The following SMAGP variants were observed in gnomAD, a reference collection of about 807,000 sequenced individuals.
The protein encoded by SMAGP is small cell adhesion glycoprotein, also known as small cell transmembrane and glycosylated protein.
A neutral mutation model predicts 10.1 loss-of-function variants in SMAGP; 7 were observed. The ratio of observed to expected loss-of-function variants is 0.70; its 90% CI spans 0.40 to 1.31. The LOEUF (loss-of-function observed/expected upper bound fraction) is 1.31, where lower values mean the gene tolerates loss of function less well. Among genes scored for constraint, SMAGP ranks in the 50% most tolerant of loss-of-function variants. The pLI is 0.01. For missense variants in SMAGP, 113 were observed against 116.5 expected, an observed-to-expected ratio of 0.97 and a Z score of 0.14; for synonymous variants, 49 against 47.2, an observed-to-expected ratio of 1.04 and a Z score of -0.16.
chr12:51,270,033 C>T (rs543554531), intron 1 of SMAGP: 1 of 151,778 alleles, frequency 6.6e-6, no homozygotes. Flanking sequence ...CCCGTCCCCG[C>T]CCCCGCCCCG....
intron 3 of SMAGP, 97 bp from the exon 4 acceptor site, chr12:51,246,216 T>G: frequency 6.6e-7 from 1 of 1,516,168 alleles, no homozygotes; most frequent in East Asian, 2.3e-5. Flanking sequence ...TTCGTAAAGA[T>G]CCTCTTGTTT....
chr12:51,246,073 C>T lies in SMAGP; in HGVS notation c.162G>A (p.Leu54=). 6.2e-7 allele frequency: 1 copy of T among 1,613,868 alleles called. No homozygotes were observed. Among genetic ancestry groups the T allele is most frequent in the Non-Finnish European group, 8.5e-7 (1 of 1,179,868 alleles). The change falls in exon 4 of 4, where the codon TTG becomes TTA. Residue 54 remains leucine, a synonymous_variant. Transcript: ENST00000603798. ...TGTTCTTGTACAGGTAAAAGAAGAT[C>T]AAGATCACGACCGAGAGCAGGGTGA... ...VFLTLLSVVI[L]IFFYLYKNKG... is the part of the protein sequence containing the mutation.
At chr12:51,255,595 C>T (rs905781604) in intron 2 of SMAGP, among the ~76,000 whole-genome samples, 7 of 152,238 alleles carry the variant, frequency 4.6e-5, no homozygotes, top group African/African-American at 1.7e-4. Flanking sequence ...ACCATTTTGG[C>T]CCTTCTAGTC....
chr12:51,260,694 T>C (rs1159870863), intron 2 of SMAGP, among the ~76,000 whole-genome samples: 1 of 132,628 alleles, frequency 7.5e-6, no homozygotes, highest in Non-Finnish European at 1.6e-5. Context: ...TTTTTTTTTT[T>C]TTTTTTTTTG....
chr12:51,260,905 C>A (rs1250605053), intron 2 of SMAGP, among the ~76,000 whole-genome samples: 1 of 151,306 alleles, frequency 6.6e-6, no homozygotes, highest in Non-Finnish European at 1.5e-5. Flanking sequence ...CCAGGATGGT[C>A]TCGATCTCCT....
At position 51,269,330 on chromosome 12, in the gene SMAGP, G is replaced by A. The variant is rs1202660803; in HGVS notation, c.-38-14C>T. On this transcript the variant is annotated splice_polypyrimidine_tract_variant and intron_variant, in intron 1 of 3. Transcript: ENST00000603798. Reference sequence around the variant, plus strand: ...GAAGAGGCAGATCTGTAGGAAGAGGGGCAAAGACAGGAATGTAGCGGGTGG... The same window carrying A: ...GAAGAGGCAGATCTGTAGGAAGAGGAGCAAAGACAGGAATGTAGCGGGTGG... 30 of 1,607,306 alleles carry A rather than the reference G, an allele frequency of 1.9e-5. No individual in the cohort carries two copies. In the East Asian group the frequency reaches 3.6e-4, roughly 19 times the overall value.
chr12:51,266,662 A>C (rs1418118311), intron 2 of SMAGP, among the ~76,000 whole-genome samples: 1 of 152,192 alleles, frequency 6.6e-6, no homozygotes, highest in Non-Finnish European at 1.5e-5. Context: ...TATGTACAGG[A>C]AAAAACACAG....
intron 2 of SMAGP, among the ~76,000 whole-genome samples, chr12:51,264,291 T>C (rs115680024): frequency 0.013 from 1,995 of 152,316 alleles, 45 homozygotes; most frequent in African/African-American, 0.045. Context: ...TTGGACCCAG[T>C]GGATAGGAGA....
At chr12:51,257,502 GGC>G (rs1378922296) in intron 2 of SMAGP, among the ~76,000 whole-genome samples, 2 of 151,904 alleles carry the variant, frequency 1.3e-5, no homozygotes, top group African/African-American at 4.8e-5. Context: ...TTGGGGCCAG[GGC>G]CAGGAGTTCA....
chr12:51,253,909 CAAAA>C (rs886863784), intron 2 of SMAGP, among the ~76,000 whole-genome samples: 2 of 149,564 alleles, frequency 1.3e-5, no homozygotes, highest in Non-Finnish European at 3.0e-5. Context: ...CTGTCTCAAA[CAAAA>C]AAAAAGAGGA....
intron 2 of SMAGP, among the ~76,000 whole-genome samples, chr12:51,251,762 CTTTAT>C (rs753713530): frequency 4.6e-5 from 7 of 152,030 alleles, no homozygotes; most frequent in Non-Finnish European, 1.0e-4. Flanking sequence ...TATGTGACTT[CTTTAT>C]TTTTAGTTTA....
chr12:51,250,498 GTGTTTTTTTTT>G (rs1258077520), intron 2 of SMAGP, among the ~76,000 whole-genome samples: 30 of 90,510 alleles, frequency 3.3e-4, no homozygotes, highest in Admixed American at 1.4e-3. Flanking sequence ...TGTTGTTGTT[GTGTTTTTTTTT>G]TGTTTTTTTT....
intron 1 of SMAGP, 54 bp from the exon 2 acceptor site, chr12:51,269,370 G>C (rs1945005959): frequency 6.9e-7 from 1 of 1,456,134 alleles, no homozygotes; most frequent in Non-Finnish European, 9.6e-7. Context: ...CTATGGCTTT[G>C]AGTCCTGGAA....
At chr12:51,246,400 G>A (rs1944770205) in intron 3 of SMAGP, 2 of 475,696 alleles carry the variant, frequency 4.2e-6, no homozygotes, top group Non-Finnish European at 7.4e-6. Context: ...AAACGGGAAG[G>A]AGGGAACAGG....
chr12:51,268,653 G>A lies in SMAGP; in HGVS notation c.34+592C>T, dbSNP rs147563097. Among the ~76,000 whole-genome samples, 436 of 147,632 alleles carry A rather than the reference G, an allele frequency of 3.0e-3. 2 individuals carry two copies. Among genetic ancestry groups the A allele is most frequent in the African/African-American group, 0.01 (413 of 40,640 alleles). On this transcript the variant is annotated intron_variant, in intron 2 of 3. Coordinates refer to ENST00000603798, the MANE Select transcript of SMAGP (RefSeq NM_001031628.2). The stretch of plus-strand genomic sequence containing the variant: ...TGCCCAGGCTGGAGTGCAATGGCAC[G>A]ATCTCGGCTCACCTGTGCTTCCCAG...
Position 51,270,357 on chromosome 12 carries a change from G to A in SMAGP, c.-140C>T, listed in dbSNP as rs1945020769. The A allele has an allele frequency of 5.2e-6, 1 of 191,330 alleles. No homozygotes were observed. The highest frequency in any genetic ancestry group is 1.9e-4 in the South Asian group (1 of 5,206). 11.9% of individuals were successfully genotyped at this position (191,330 alleles called of 1,614,324 possible). On this transcript the variant is annotated 5_prime_UTR_variant, in exon 1 of 4. Transcript: ENST00000603798. ...CCGCGGAGTCGCGGAGGCCAGCAGA[G>A]GCCGAACGAGGACCCCGAGCGGAGG... is the stretch of plus-strand genomic sequence containing the variant.
intron 2 of SMAGP, among the ~76,000 whole-genome samples, chr12:51,268,336 A>G (rs1311688073): frequency 1.3e-5 from 2 of 152,082 alleles, no homozygotes; most frequent in East Asian, 3.8e-4. Flanking sequence ...CATAAATCAT[A>G]AGATAGGTAC....
At chr12:51,261,909 TGTA>T (rs992393189) in intron 2 of SMAGP, among the ~76,000 whole-genome samples, 20 of 148,216 alleles carry the variant, frequency 1.3e-4, no homozygotes, top group African/African-American at 4.7e-4. Context: ...AGGTGGTATA[TGTA>T]GTAGGACTGC....
intron 2 of SMAGP, among the ~76,000 whole-genome samples, chr12:51,264,185 C>T (rs923020871): frequency 2.6e-5 from 4 of 152,114 alleles, no homozygotes; most frequent in Admixed American, 1.3e-4. Context: ...AAGAGAAGAG[C>T]TGGCCTTTAG....
Sources: allele counts gnomAD v4.1 joint callset (sites outside exome capture counted in the v4.1 genomes callset), GRCh38; gene constraint gnomAD v4.1.1; transcripts MANE v1.5; gene names NCBI Gene and HGNC (gene_info 2026-07-23, HGNC 2026-07-21).